NAV2: variants seen among roughly 807,000 people sequenced by gnomAD.
NAV2 encodes the protein neuron navigator 2.
A neutral mutation model predicts 223.2 loss-of-function variants in NAV2; 54 were observed. The observed-to-expected ratio is 0.24, with a 90% confidence interval of 0.19 to 0.30. The LOEUF is 0.30. Ranked by LOEUF, NAV2 falls within the 10% of genes least tolerant of loss-of-function variation. The probability of loss-of-function intolerance (pLI) is 1.00; values close to 1 mark genes in which losing one functional copy is unlikely to be tolerated. For synonymous variants in NAV2, 1,279 were observed against 1,239.3 expected, an observed-to-expected ratio of 1.03 and a Z score of -0.67; for missense variants, 2,806 against 3,147.5, an observed-to-expected ratio of 0.89 and a Z score of 2.60.
intron 7 of NAV2, among the ~76,000 whole-genome samples, chr11:19,936,601 A>G (rs902457235): frequency 6.6e-6 from 1 of 152,174 alleles, no homozygotes; most frequent in South Asian, 2.1e-4. Context: ...CGCTGGAAAT[A>G]AGAGCACCAG....
intron 1 of NAV2, among the ~76,000 whole-genome samples, chr11:19,687,129 G>T (rs1208018234): frequency 6.6e-6 from 1 of 152,174 alleles, no homozygotes; most frequent in African/African-American, 2.4e-5. Context: ...AGGCTCAGAA[G>T]GTCAGTATGA....
intron 25 of NAV2, chr11:20,082,522 G>T (rs1421163073): frequency 1.6e-5 from 24 of 1,520,608 alleles, no homozygotes; most frequent in Non-Finnish European, 1.9e-5. Flanking sequence ...CCCTGTCACT[G>T]GCTTTCTCTG....
At chr11:19,587,877 A>C (rs1317116716) in intron 1 of NAV2, among the ~76,000 whole-genome samples, 1 of 152,238 alleles carries the variant, frequency 6.6e-6, no homozygotes, top group Non-Finnish European at 1.5e-5. Flanking sequence ...TAGCCAGTGG[A>C]TAGCTCTTCT....
At chr11:19,456,805 G>A (rs1319489642) in intron 1 of NAV2, among the ~76,000 whole-genome samples, 2 of 152,174 alleles carry the variant, frequency 1.3e-5, no homozygotes, top group East Asian at 3.8e-4. Context: ...GCAGTTTCCT[G>A]TTATGGCTGG....
chr11:19,826,979 G>T (rs555054894), intron 1 of NAV2, among the ~76,000 whole-genome samples: 1 of 152,284 alleles, frequency 6.6e-6, no homozygotes, highest in South Asian at 2.1e-4. Context: ...GGTGGTGCCA[G>T]CATACACGTT....
intron 1 of NAV2, among the ~76,000 whole-genome samples, chr11:19,413,213 C>T (rs1850220899): frequency 6.6e-6 from 1 of 151,972 alleles, no homozygotes; most frequent in Non-Finnish European, 1.5e-5. Context: ...CGAGAATAAC[C>T]AGTTTAGAAA....
intron 36 of NAV2, among the ~76,000 whole-genome samples, chr11:20,112,858 G>A (rs753379279): frequency 1.3e-5 from 2 of 152,234 alleles, no homozygotes; most frequent in African/African-American, 2.4e-5. Flanking sequence ...TTGGAAAGAC[G>A]TGGTTTTGTT....
At chr11:20,044,744 T>C (rs2153585058) in intron 13 of NAV2, among the ~76,000 whole-genome samples, 1 of 152,342 alleles carries the variant, frequency 6.6e-6, no homozygotes, top group Middle Eastern at 3.4e-3. Context: ...CTTTGCTTTA[T>C]CCTGGGTAAA....
chr11:20,005,437 G>T (rs1171727947), intron 11 of NAV2, among the ~76,000 whole-genome samples: 1 of 151,532 alleles, frequency 6.6e-6, no homozygotes, highest in Non-Finnish European at 1.5e-5. Flanking sequence ...GTAGAGATAG[G>T]GTTTCACCTT....
chr11:19,824,278 T>C (rs747228095), intron 1 of NAV2, among the ~76,000 whole-genome samples: 4 of 152,164 alleles, frequency 2.6e-5, no homozygotes, highest in Non-Finnish European at 5.9e-5. Flanking sequence ...AAGCCAGAGT[T>C]CAACCCTGGT....
intron 11 of NAV2, among the ~76,000 whole-genome samples, chr11:20,025,951 C>A (rs2055023515): frequency 6.6e-6 from 1 of 152,206 alleles, no homozygotes; most frequent in Non-Finnish European, 1.5e-5. Context: ...ACATGGAGAG[C>A]TGTACTTAGG....
intron 10 of NAV2, among the ~76,000 whole-genome samples, chr11:19,966,037 G>A (rs922210453): frequency 6.6e-6 from 1 of 152,200 alleles, no homozygotes; most frequent in African/African-American, 2.4e-5. Context: ...GGAGCTCAGG[G>A]CTCAAGGGCA....
At chr11:19,883,224 A>C (rs1471018878) in intron 5 of NAV2, among the ~76,000 whole-genome samples, 2 of 152,228 alleles carry the variant, frequency 1.3e-5, no homozygotes, top group Non-Finnish European at 2.9e-5. Context: ...ACAACATTCC[A>C]TGAAGTTTGC....
At position 19,946,529 on chromosome 11, in the gene NAV2, C is replaced by T; in HGVS notation, c.2255+20C>T. 1 of 1,585,410 alleles carries T rather than the reference C, an allele frequency of 6.3e-7. No individual in the cohort carries two copies. The highest frequency in any genetic ancestry group is 1.3e-5 in the African/African-American group (1 of 74,358). ...ACACAGGTATCTGCAGTGTGAATTA[C>T]TTTACTGAACTACCTGGTATCCTAA... On this transcript the variant is annotated intron_variant, in intron 9 of 37. Coordinates refer to ENST00000349880, the MANE Select transcript of NAV2 (RefSeq NM_145117.5).
intron 11 of NAV2, among the ~76,000 whole-genome samples, chr11:20,034,376 T>TTTG (rs2056140772): frequency 5.1e-5 from 6 of 117,766 alleles, no homozygotes; most frequent in South Asian, 2.9e-4. Context: ...TTTTTTTTTT[T>TTTG]TTTGTTTGTT....
intron 1 of NAV2, among the ~76,000 whole-genome samples, chr11:19,426,465 T>C (rs1364722247): frequency 6.6e-6 from 1 of 152,196 alleles, no homozygotes; most frequent in Non-Finnish European, 1.5e-5. Context: ...AAAAAAAATA[T>C]TCGCCTTTTT....
At chr11:19,903,269 G>T (rs2042595888) in intron 6 of NAV2, among the ~76,000 whole-genome samples, 1 of 152,150 alleles carries the variant, frequency 6.6e-6, no homozygotes, top group African/African-American at 2.4e-5. Context: ...AGTGACACAT[G>T]GGCCATTTGC....
At chr11:19,498,041 A>C (rs2042853458) in intron 1 of NAV2, among the ~76,000 whole-genome samples, 1 of 152,222 alleles carries the variant, frequency 6.6e-6, no homozygotes, top group Non-Finnish European at 1.5e-5. Flanking sequence ...AAGTTAAGTG[A>C]CTTGCACGAG....
At chr11:20,091,920 T>G (rs1808909292) in intron 27 of NAV2, among the ~76,000 whole-genome samples, 1 of 152,174 alleles carries the variant, frequency 6.6e-6, no homozygotes, top group South Asian at 2.1e-4. Flanking sequence ...ACAAACCTCT[T>G]AGATCATAAG....
Sources: allele counts gnomAD v4.1 joint callset (sites outside exome capture counted in the v4.1 genomes callset), GRCh38; gene constraint gnomAD v4.1.1; transcripts MANE v1.5; gene names NCBI Gene and HGNC (gene_info 2026-07-23, HGNC 2026-07-21).